The following NFYA variants were observed in gnomAD, a reference collection of about 807,000 sequenced individuals.
NFYA encodes the protein nuclear transcription factor Y subunit alpha, also known as CAAT-box DNA binding protein subunit A.
NFYA carries 28 observed loss-of-function variants against 52.8 expected under a neutral mutation model. That is an observed-to-expected ratio of 0.53 (90% CI 0.39 to 0.73). NFYA has a LOEUF of 0.73. NFYA is among the 30% of genes least tolerant of loss of function. The pLI, the probability that NFYA is intolerant of heterozygous loss-of-function variation, is 0.00. For missense variants in NFYA, 234 were observed against 427.0 expected (o/e 0.55, Z 3.98); for synonymous variants, 150 against 150.7 (o/e 1.00, Z 0.03).
intron 4 of NFYA, among the ~76,000 whole-genome samples, chr6:41,089,369 A>G (rs1764137221): frequency 6.6e-6 from 1 of 152,238 alleles, no homozygotes; most frequent in Non-Finnish European, 1.5e-5. Context: ...TGATTTGTTA[A>G]TATCAGGTAT....
At chr6:41,093,148 T>G in intron 8 of NFYA, 63 bp downstream of exon 8, 1 of 1,448,888 alleles carries the variant, frequency 6.9e-7, no homozygotes, top group South Asian at 1.3e-5. Context: ...TTTGAAATTA[T>G]CTTTTATATG....
At chr6:41,096,770 AGAGTTTAGTG>A (rs1764367948) in intron 9 of NFYA, among the ~76,000 whole-genome samples, 1 of 152,208 alleles carries the variant, frequency 6.6e-6, no homozygotes, top group African/African-American at 2.4e-5. Context: ...AACAGCATAT[AGAGTTTAGTG>A]GAAAGAAGAT....
In NFYA at chr6:41,101,681, G is replaced by A. The variant is rs1764505464; in HGVS notation, c.*4271G>A. Among the ~76,000 whole-genome samples, 1 of 152,170 alleles carries A rather than the reference G, an allele frequency of 6.6e-6. No homozygotes were observed. The highest frequency in any genetic ancestry group is 2.4e-5 in the African/African-American group (1 of 41,440). ...AATACCAGGTGCCTGTCCTCACTGT[G>A]TGAGTGGTTCTCTAGCCAGACATGA... is the stretch of plus-strand genomic sequence containing the variant. On this transcript the variant is annotated 3_prime_UTR_variant, in exon 10 of 10. Coordinates refer to ENST00000341376, the MANE Select transcript of NFYA (RefSeq NM_002505.5).
At chr6:41,095,809 G>C (rs1339936019) in intron 9 of NFYA, among the ~76,000 whole-genome samples, 1 of 152,198 alleles carries the variant, frequency 6.6e-6, no homozygotes, top group Non-Finnish European at 1.5e-5. Context: ...AAGTTGTATA[G>C]AGGGTAGAGG....
At chr6:41,089,532 A>G in intron 4 of NFYA, 47 bp from the exon 5 acceptor site, 1 of 1,505,206 alleles carries the variant, frequency 6.6e-7, no homozygotes, top group Non-Finnish European at 8.9e-7. Context: ...ACCAAAGGAG[A>G]CCAGTGTCAG....
rs78523418 is a variant in NFYA, at chr6:41,081,952, C to T, written c.162+1055C>T. 4.0e-3 allele frequency among the ~76,000 whole-genome samples: 611 copies of T among 152,304 alleles called. 11 individuals carry two copies. In the South Asian group the frequency reaches 0.061, roughly 15 times the overall value. ...TAATTTGGCCAGTTCCTATAAAACA[C>T]AGGAGTAGCAGCACTAGTCTACTCT... On this transcript the variant is annotated intron_variant, in intron 3 of 9. Coordinates refer to ENST00000341376, the MANE Select transcript of NFYA (RefSeq NM_002505.5).
chr6:41,090,396 G>T, intron 6 of NFYA, 87 bp downstream of exon 6: 1 of 690,972 alleles, frequency 1.4e-6, no homozygotes, highest in Non-Finnish European at 2.6e-6. Context: ...TTTGAGTGGT[G>T]AACTTGACAC....
Position 41,080,828 on chromosome 6 carries a change from T to C in NFYA, c.93T>C (p.Thr31=), listed in dbSNP as rs745448014. 2.5e-6 allele frequency: 4 copies of C among 1,613,954 alleles called. No individual in the cohort carries two copies. Among genetic ancestry groups the C allele is most frequent in the Non-Finnish European group, 3.4e-6 (4 of 1,179,824 alleles). Residue 31 remains threonine (T), a synonymous_variant, in exon 3 of 10, where the codon ACT becomes ACC. Transcript: ENST00000341376. The part of the protein sequence containing the change: ...QIQQQQQGGV[T]AVQLQTEAQV... ...GTTCTCAGCAGCAGGGTGGTGTCAC[T>C]GCTGTGCAGTTGCAGACTGAGGCCC...
intron 2 of NFYA, among the ~76,000 whole-genome samples, chr6:41,079,423 T>C (rs1331363013): frequency 6.6e-6 from 1 of 152,212 alleles, no homozygotes. Flanking sequence ...CAGATGGAAA[T>C]TTGGACTTTA....
chr6:41,086,209 G>C (rs921592192), intron 4 of NFYA, among the ~76,000 whole-genome samples: 3 of 151,710 alleles, frequency 2.0e-5, no homozygotes, highest in Admixed American at 6.6e-5. Context: ...AGTGGTCCAA[G>C]CTTTCATTAC....
intron 1 of NFYA, among the ~76,000 whole-genome samples, chr6:41,073,514 A>G (rs1763607566): frequency 6.7e-6 from 1 of 149,676 alleles, no homozygotes. Flanking sequence ...CTGCCCTTGC[A>G]CTCTCCACTC....
Position 41,098,465 on chromosome 6 carries a change from T to C in NFYA, c.*1055T>C, listed in dbSNP as rs1297694793. On this transcript the variant is annotated 3_prime_UTR_variant, in exon 10 of 10. Transcript: ENST00000341376. Reference sequence around the variant, plus strand: ...GTGGATGGATACCTGGAATGGATCATTAAGATGAAGAGAGTAATTCACATT... The same window carrying C: ...GTGGATGGATACCTGGAATGGATCACTAAGATGAAGAGAGTAATTCACATT... 2 of 152,196 alleles carry C rather than the reference T, an allele frequency of 1.3e-5. No homozygotes were observed. Among genetic ancestry groups the C allele is most frequent in the African/African-American group, 4.8e-5 (2 of 41,438 alleles). 9.4% of individuals were successfully genotyped at this position (152,196 alleles called of 1,614,324 possible).
intron 1 of NFYA, among the ~76,000 whole-genome samples, chr6:41,078,315 C>T (rs1450794847): frequency 6.6e-6 from 1 of 152,154 alleles, no homozygotes; most frequent in Non-Finnish European, 1.5e-5. Flanking sequence ...TGGTACTGTA[C>T]TTTGCCACGA....
intron 1 of NFYA, among the ~76,000 whole-genome samples, chr6:41,074,681 G>A (rs1056897738): frequency 3.9e-5 from 6 of 152,126 alleles, no homozygotes; most frequent in African/African-American, 1.4e-4. Context: ...AAGCCCAGTT[G>A]GTAAAATACT....
chr6:41,095,275 C>A (rs1490928222), intron 9 of NFYA, among the ~76,000 whole-genome samples: 4 of 152,196 alleles, frequency 2.6e-5, no homozygotes, highest in Admixed American at 2.6e-4. Flanking sequence ...TGCATTTCTA[C>A]TTCTTGGTCT....
intron 1 of NFYA, chr6:41,075,485 C>G (rs545027276): frequency 6.6e-6 from 1 of 151,924 alleles, no homozygotes; most frequent in Non-Finnish European, 1.5e-5. Context: ...ACCTTACAAG[C>G]TTCCACCAGT....
At chr6:41,073,911 C>G (rs1763641488) in intron 1 of NFYA, among the ~76,000 whole-genome samples, 1 of 152,352 alleles carries the variant, frequency 6.6e-6, no homozygotes, top group African/African-American at 2.4e-5. Flanking sequence ...CGTCTTGGAG[C>G]CCAACCAAGC....
At chr6:41,084,389 C>T (rs192076941) in intron 4 of NFYA, among the ~76,000 whole-genome samples, 197 bp downstream of exon 4, 1 of 152,184 alleles carries the variant, frequency 6.6e-6, no homozygotes, top group Non-Finnish European at 1.5e-5. Flanking sequence ...CCAGTAATGA[C>T]TAAGATATTA....
At chr6:41,073,632 C>T (rs1763617657) in intron 1 of NFYA, among the ~76,000 whole-genome samples, 1 of 152,172 alleles carries the variant, frequency 6.6e-6, no homozygotes, top group East Asian at 1.9e-4. Flanking sequence ...GGAGGGAGGC[C>T]TGGGGAGGGT....
Sources: gnomAD v4.1 joint callset for allele counts (sites outside exome capture counted in the v4.1 genomes callset) on GRCh38, gnomAD v4.1.1 for gene constraint, MANE v1.5 for transcripts, NCBI Gene and HGNC (gene_info 2026-07-23, HGNC 2026-07-21) for gene names.